The following TMEM135 variants were observed in gnomAD, a reference collection of about 807,000 sequenced individuals.
TMEM135 encodes the protein peroxisomal membrane protein 52.
Under a neutral mutation model 60.3 loss-of-function variants are expected in TMEM135, and 30 were observed. The observed-to-expected ratio is 0.50, with a 90% CI of 0.37 to 0.68. The LOEUF is 0.68. Among genes scored for constraint, TMEM135 ranks in the 30% least tolerant of loss-of-function variants. The probability of loss-of-function intolerance (pLI) is 0.00; values close to 1 mark genes in which losing one functional copy is unlikely to be tolerated. For missense variants in TMEM135, 468 were observed against 548.8 expected (o/e 0.85, Z 1.47); for synonymous variants, 190 against 186.7 (o/e 1.02, Z -0.14).
chr11:87,238,715 G>C (rs1941061878), intron 6 of TMEM135, among the ~76,000 whole-genome samples: 1 of 151,962 alleles, frequency 6.6e-6, no homozygotes, highest in Non-Finnish European at 1.5e-5. Context: ...ATTCCAAAAA[G>C]TTCACATAGT....
In TMEM135 at chr11:87,222,181, C is replaced by CAAAAAAA. The variant is rs386374401; in HGVS notation, c.463-14439_463-14433dup. Among the ~76,000 whole-genome samples, 85 of 55,464 alleles carry CAAAAAAA rather than the reference C, an allele frequency of 1.5e-3. 1 individual carries two copies. The highest frequency in any genetic ancestry group is 4.3e-3 in the African/African-American group (69 of 16,106). The allele number at this position is 55,464 out of a possible 152,430, so 36.4% of individuals were successfully genotyped here. Reference sequence around the variant, plus strand: ...TGGGCGAAAGAGCGAGACTCTGTCTCAAAAAAAAAAAAAAAAAAAAAAAAT... The same window carrying CAAAAAAA: ...TGGGCGAAAGAGCGAGACTCTGTCTCAAAAAAAAAAAAAAAAAAAAAAAAAAAAAAAT... On this transcript the variant is annotated intron_variant, in intron 5 of 14. Transcript: ENST00000305494.
In TMEM135 at chr11:87,320,119, T is replaced by C. The variant is rs184728310; in HGVS notation, c.1244+742T>C. ...TATAGTGCTGACAATGTCCAACATA[T>C]GGTTTTAAGAGGCACACATACAATA... On this transcript the variant is annotated intron_variant, in intron 14 of 14. Transcript: ENST00000305494. Among the ~76,000 whole-genome samples the C allele has an allele frequency of 4.7e-3, 713 of 152,280 alleles. 6 individuals are homozygous for C. The highest frequency in any genetic ancestry group is 7.8e-3 in the Admixed American group (119 of 15,296).
intron 5 of TMEM135, among the ~76,000 whole-genome samples, chr11:87,163,223 T>C (rs1318038440): frequency 7.7e-6 from 1 of 130,596 alleles, no homozygotes; most frequent in Non-Finnish European, 1.6e-5. Flanking sequence ...GAGTGTGATA[T>C]TCCCCTTCCT....
rs1034764203 is a variant in TMEM135, at chr11:87,322,681, A to C, written c.*1348A>C. 1.3e-5 allele frequency: 6 copies of C among 454,022 alleles called. No individual in the cohort carries two copies. Among genetic ancestry groups the C allele is most frequent in the Admixed American group, 7.0e-5 (3 of 42,566 alleles). 28.1% of individuals were successfully genotyped at this position (454,022 alleles called of 1,614,324 possible). Reference sequence around the variant, plus strand: ...TGTGTTGCAAAAGGAATTATAACCCATACTTTAAAAATGCTTAATCCCTCA... The same window carrying C: ...TGTGTTGCAAAAGGAATTATAACCCCTACTTTAAAAATGCTTAATCCCTCA... On this transcript the variant is annotated 3_prime_UTR_variant, in exon 15 of 15. Transcript: ENST00000305494.
At chr11:87,134,194 T>C (rs1216245309) in intron 4 of TMEM135, among the ~76,000 whole-genome samples, 2 of 152,128 alleles carry the variant, frequency 1.3e-5, no homozygotes, top group African/African-American at 2.4e-5. Context: ...TTCCTTAGCT[T>C]GTAGATGGCT....
intron 1 of TMEM135, among the ~76,000 whole-genome samples, chr11:87,039,706 T>C (rs1949734523): frequency 6.6e-6 from 1 of 152,238 alleles, no homozygotes; most frequent in South Asian, 2.1e-4. Context: ...GCTCTTGATA[T>C]ACAACTATAG....
intron 4 of TMEM135, among the ~76,000 whole-genome samples, chr11:87,151,512 T>C (rs372154714): frequency 9.7e-4 from 148 of 152,296 alleles, no homozygotes; most frequent in African/African-American, 3.2e-3. Context: ...GTTAAAGGAA[T>C]TCCTTAAATG....
chr11:87,261,763 A>G (rs753509821), intron 6 of TMEM135, among the ~76,000 whole-genome samples: 1 of 151,942 alleles, frequency 6.6e-6, no homozygotes, highest in Non-Finnish European at 1.5e-5. Context: ...CTGGGACCAC[A>G]TGTGTGCACC....
intron 6 of TMEM135, among the ~76,000 whole-genome samples, chr11:87,288,127 T>TA: frequency 6.6e-6 from 1 of 152,338 alleles, no homozygotes; most frequent in Admixed American, 6.5e-5. Context: ...ATACGTATCC[T>TA]ATTAGAGGAC....
chr11:87,236,862 GAGAA>G (rs976792580), intron 6 of TMEM135, among the ~76,000 whole-genome samples, 178 bp downstream of exon 6: 3 of 151,532 alleles, frequency 2.0e-5, no homozygotes, highest in Admixed American at 6.6e-5. Flanking sequence ...GTTAAGAAAA[GAGAA>G]AGAGAGGGAA....
At chr11:87,225,109 G>T (rs1026649983) in intron 5 of TMEM135, among the ~76,000 whole-genome samples, 3 of 152,028 alleles carry the variant, frequency 2.0e-5, no homozygotes, top group African/African-American at 7.2e-5. Flanking sequence ...TACTATACAT[G>T]AAAATAGTAT....
intron 4 of TMEM135, among the ~76,000 whole-genome samples, chr11:87,125,561 C>G (rs1191151791): frequency 1.3e-5 from 2 of 152,074 alleles, no homozygotes; most frequent in Non-Finnish European, 2.9e-5. Flanking sequence ...TATGTCTGGA[C>G]AGAATGGTAT....
chr11:87,194,371 T>C (rs2135320772), intron 5 of TMEM135, among the ~76,000 whole-genome samples: 1 of 152,336 alleles, frequency 6.6e-6, no homozygotes, highest in Middle Eastern at 3.4e-3. Context: ...GCTAACTGTA[T>C]ACTATTCTGC....
chr11:87,038,224 C>G, intron 1 of TMEM135, 38 bp downstream of exon 1: 1 of 1,609,066 alleles, frequency 6.2e-7, no homozygotes. Context: ...CGAGTTTAGT[C>G]TGGAAGATGG....
At chr11:87,084,982 A>G (rs550724046) in intron 3 of TMEM135, among the ~76,000 whole-genome samples, 42 of 151,474 alleles carry the variant, frequency 2.8e-4, no homozygotes, top group Non-Finnish European at 5.0e-4. Flanking sequence ...TGGTTTCCAA[A>G]GAGGATTTAC....
intron 1 of TMEM135, 90 bp downstream of exon 1, chr11:87,038,276 C>T (rs1949721088): frequency 6.9e-7 from 1 of 1,443,214 alleles, no homozygotes; most frequent in Non-Finnish European, 9.4e-7. Context: ...CTCTGGGGGA[C>T]TTGCCTTGTG....
chr11:87,292,487 C>A (rs1942283483), intron 6 of TMEM135, among the ~76,000 whole-genome samples: 1 of 152,114 alleles, frequency 6.6e-6, no homozygotes, highest in Non-Finnish European at 1.5e-5. Context: ...CTATAATAAT[C>A]AAATCCATAG....
intron 4 of TMEM135, among the ~76,000 whole-genome samples, chr11:87,127,582 T>G (rs1937771842): frequency 6.6e-6 from 1 of 152,210 alleles, no homozygotes; most frequent in Non-Finnish European, 1.5e-5. Context: ...ATCTATTAAA[T>G]TATATAAATT....
At chr11:87,245,731 G>A (rs2135384313) in intron 6 of TMEM135, among the ~76,000 whole-genome samples, 1 of 120,918 alleles carries the variant, frequency 8.3e-6, no homozygotes, top group African/African-American at 3.3e-5. Context: ...CTTTTATTTT[G>A]AGCCTGTGTG....
Sources: gnomAD v4.1 joint callset for allele counts (sites outside exome capture counted in the v4.1 genomes callset) on GRCh38, gnomAD v4.1.1 for gene constraint, MANE v1.5 for transcripts, NCBI Gene and HGNC (gene_info 2026-07-23, HGNC 2026-07-21) for gene names.